RPL35A: variants seen among roughly 807,000 people sequenced by gnomAD.
RPL35A encodes the protein ribosomal protein L35a, also known as large ribosomal subunit protein eL33.
In RPL35A, 1 loss-of-function variant was observed where a neutral mutation model predicts 16.7. The observed-to-expected ratio is 0.06, with a 90% CI of 0.02 to 0.28. The LOEUF is 0.28. Ranked by LOEUF, RPL35A falls within the 10% of genes least tolerant of loss-of-function variation. RPL35A has a pLI of 1.00. For missense variants in RPL35A, 91 were observed against 138.7 expected (o/e 0.66, Z 1.73); for synonymous variants, 58 against 47.0 (o/e 1.23, Z -0.96).
At chr3:197,955,389 C>T (rs776814899) in intron 4 of RPL35A, among the ~76,000 whole-genome samples, 14 of 151,912 alleles carry the variant, frequency 9.2e-5, no homozygotes, top group South Asian at 8.3e-4. Context: ...CAGCCTCCTG[C>T]GTAGCTGGGA....
At chr3:197,952,466 C>T (rs572584725) in intron 3 of RPL35A, 2 of 152,116 alleles carry the variant, frequency 1.3e-5, no homozygotes, top group South Asian at 4.1e-4. Context: ...CGGTGCCCCG[C>T]CCCTTGTTTT....
Position 197,954,203 on chromosome 3 carries a change from G to A in RPL35A, c.309+56G>A, listed in dbSNP as rs906837222. 2.5e-6 allele frequency: 4 copies of A among 1,592,152 alleles called. No homozygotes were observed. The African/African-American group carries it at 5.4e-5, about 21-fold the overall frequency. On this transcript the variant is annotated intron_variant, in intron 4 of 4. Transcript: ENST00000647248. ...TGATGAATCAGACTAGGTTCAAGGTGTTGTGCTTTGACTTCTGAGGACTTC... is the reference window on the plus strand; with the variant it reads ...TGATGAATCAGACTAGGTTCAAGGTATTGTGCTTTGACTTCTGAGGACTTC...
chr3:197,952,734 TC>T (rs1351060207), intron 3 of RPL35A: 1 of 152,098 alleles, frequency 6.6e-6, no homozygotes, highest in Non-Finnish European at 1.5e-5. Flanking sequence ...CCTCAAGTAA[TC>T]CACCTGCCTC....
intron 4 of RPL35A, among the ~76,000 whole-genome samples, chr3:197,954,637 G>A (rs1720389726): frequency 6.6e-6 from 1 of 152,138 alleles, no homozygotes; most frequent in South Asian, 2.1e-4. Flanking sequence ...AGCCTCCCGA[G>A]TAGCTGGAAT....
Position 197,954,137 on chromosome 3 carries a change from G to A in RPL35A, c.299G>A (p.Arg100Lys). 6.2e-7 allele frequency: 1 copy of A among 1,614,196 alleles called. No homozygotes were observed. Among genetic ancestry groups the A allele is most frequent in the Non-Finnish European group, 8.5e-7 (1 of 1,180,040 alleles). ...CTTCCTGCTAAGGCCATTGGACACA[G>A]AATCCGAGTGGTGAGTATGGTTTTT... is the stretch of plus-strand genomic sequence containing the variant. ...SNLPAKAIGH[R>K]IRVMLYPSRI The change falls in exon 4 of 5, where the codon AGA (arginine) becomes AAA (lysine). Residue 100 changes from arginine (R) to lysine (K), a missense_variant. Transcript: ENST00000647248.
rs754407977 is a variant in RPL35A, at chr3:197,955,767, G to T, written c.327G>T (p.Arg109Ser). Residue 109 changes from arginine (R) to serine (S), a missense_variant, in exon 5 of 5, where the codon AGG becomes AGT. Transcript: ENST00000647248. ...HRIRVMLYPS[R>S]I ...CCCTGCAGATGCTGTACCCCTCAAG[G>T]ATTTAAACTAACGAAAAATCAATAA... The T allele has an allele frequency of 6.8e-6, 11 of 1,606,268 alleles. No individual in the cohort carries two copies. The highest frequency in any genetic ancestry group is 9.4e-6 in the Non-Finnish European group (11 of 1,174,864).
At position 197,955,812 on chromosome 3, in the gene RPL35A, C is replaced by T; in HGVS notation, c.*39C>T. 1 of 1,531,636 alleles carries T rather than the reference C, an allele frequency of 6.5e-7. No homozygotes were observed. The highest frequency in any genetic ancestry group is 1.1e-5 in the South Asian group (1 of 89,284). 94.9% of individuals were successfully genotyped at this position (1,531,636 alleles called of 1,614,324 possible). The stretch of plus-strand genomic sequence containing the variant: ...CAATAAATAAATGTGGATTTGTGCT[C>T]TTGTATTTTTAAGTGGATTAAAAAA... On this transcript the variant is annotated 3_prime_UTR_variant, in exon 5 of 5. Coordinates refer to ENST00000647248, the MANE Select transcript of RPL35A (RefSeq NM_000996.4).
At chr3:197,950,599 AC>A (rs1323938146) in intron 1 of RPL35A, 2 of 381,752 alleles carry the variant, frequency 5.2e-6, no homozygotes, top group East Asian at 5.1e-5. Flanking sequence ...TAAAAGTCTT[AC>A]GTGTGTGTTT....
chr3:197,954,337 T>C (rs1169286256), intron 4 of RPL35A, 190 bp downstream of exon 4: 6 of 579,982 alleles, frequency 1.0e-5, no homozygotes, highest in Non-Finnish European at 1.8e-5. Context: ...TTGTTTTTTG[T>C]TTTTTTTTTG....
intron 4 of RPL35A, among the ~76,000 whole-genome samples, chr3:197,955,306 G>T (rs1384462172): frequency 1.3e-5 from 2 of 148,572 alleles, no homozygotes; most frequent in Non-Finnish European, 3.0e-5. Flanking sequence ...GTCTCATTCT[G>T]TCACCAGGCT....
intron 4 of RPL35A, among the ~76,000 whole-genome samples, chr3:197,955,385 C>T (rs879932080): frequency 9.2e-5 from 14 of 151,764 alleles, no homozygotes; most frequent in Non-Finnish European, 4.4e-5. Flanking sequence ...GCCTCAGCCT[C>T]CTGCGTAGCT....
rs918809751 is a variant in RPL35A at position 197,950,227 on chromosome 3, T to G, written c.-33+6T>G. 3.2e-6 allele frequency: 4 copies of G among 1,230,952 alleles called. No individual in the cohort carries two copies. The highest frequency in any genetic ancestry group is 4.0e-6 in the Non-Finnish European group (4 of 987,810). The allele number at this position is 1,230,952 out of a possible 1,614,324, so 76.3% of individuals were successfully genotyped here. Reference sequence around the variant, plus strand: ...CCATCTTGGCTCCTGTGGAGGTGAGTGAAGGGTCTGCTGCTGAAATTTGGG... The same window carrying G: ...CCATCTTGGCTCCTGTGGAGGTGAGGGAAGGGTCTGCTGCTGAAATTTGGG... On this transcript the variant is annotated splice_donor_region_variant and intron_variant, in intron 1 of 4. Transcript: ENST00000647248.
intron 1 of RPL35A, 121 bp from the exon 2 acceptor site, chr3:197,950,815 C>T (rs1344293369): frequency 3.7e-6 from 3 of 821,346 alleles, no homozygotes; most frequent in East Asian, 2.6e-5. Flanking sequence ...CATTGTTGTC[C>T]CCGAACTCCT....
Position 197,950,423 on chromosome 3 carries a change from G to A in RPL35A, c.-33+202G>A, listed in dbSNP as rs560109563. 8.1e-6 allele frequency: 7 copies of A among 864,958 alleles called. No homozygotes were observed. In the Admixed American group the frequency reaches 1.8e-4, roughly 22 times the overall value. 53.6% of individuals were successfully genotyped at this position (864,958 alleles called of 1,614,324 possible). On this transcript the variant is annotated intron_variant, in intron 1 of 4. Coordinates refer to ENST00000647248, the MANE Select transcript of RPL35A (RefSeq NM_000996.4). Reference sequence around the variant, plus strand: ...TGACACCCGGAGAACGGCTGCCCGGGTTATCCCAGTTAAATTCCTGGGCCT... The same window carrying A: ...TGACACCCGGAGAACGGCTGCCCGGATTATCCCAGTTAAATTCCTGGGCCT...
chr3:197,954,719 G>C (rs1720396208), intron 4 of RPL35A, among the ~76,000 whole-genome samples: 1 of 152,126 alleles, frequency 6.6e-6, no homozygotes, highest in African/African-American at 2.4e-5. Flanking sequence ...TGTTGCCCAG[G>C]CTGGTCTTGA....
rs1339789024 is a variant in RPL35A, at chr3:197,951,374, A to G, written c.164+63A>G. 23 of 1,559,236 alleles carry G rather than the reference A, an allele frequency of 1.5e-5. No individual in the cohort carries two copies. In the Admixed American group the frequency reaches 3.7e-4, roughly 25 times the overall value. ...ATCTGCCTCATTTTCTTTTTTATAT[A>G]ACGGAGTCTTGCTCTGTTGCCGAGG... On this transcript the variant is annotated intron_variant, in intron 3 of 4. Coordinates refer to ENST00000647248, the MANE Select transcript of RPL35A (RefSeq NM_000996.4).
At chr3:197,954,229 T>G in intron 4 of RPL35A, 82 bp downstream of exon 4, 1 of 1,470,688 alleles carries the variant, frequency 6.8e-7, no homozygotes. Flanking sequence ...TGAGGACTTC[T>G]GTGGTTGTGA....
chr3:197,954,453 C>G, intron 4 of RPL35A: 1 of 421,400 alleles, frequency 2.4e-6, no homozygotes, highest in Non-Finnish European at 4.4e-6. Context: ...TCCACCTCAG[C>G]CCCCCAAGTA....
At chr3:197,952,162 G>GTTTTTTTTT (rs1161903755) in intron 3 of RPL35A, among the ~76,000 whole-genome samples, 5 of 83,886 alleles carry the variant, frequency 6.0e-5, no homozygotes, top group African/African-American at 1.5e-4. Context: ...AAAATTATGG[G>GTTTTTTTTT]TTTTTTTTTT....
Sources: allele counts gnomAD v4.1 joint callset (sites outside exome capture counted in the v4.1 genomes callset), GRCh38; gene constraint gnomAD v4.1.1; transcripts MANE v1.5; gene names NCBI Gene and HGNC (gene_info 2026-07-23, HGNC 2026-07-21).